The following PARN variants were observed in gnomAD, a reference collection of about 807,000 sequenced individuals.
The protein encoded by PARN is poly(A)-specific ribonuclease.
PARN carries 71 observed loss-of-function variants against 102.8 expected under a neutral mutation model. The observed-to-expected ratio is 0.69, with a 90% CI of 0.57 to 0.84. PARN has a LOEUF of 0.84. PARN is among the 40% of genes least tolerant of loss of function. The probability of loss-of-function intolerance (pLI) is 0.00; values close to 1 mark genes in which losing one functional copy is unlikely to be tolerated. For synonymous variants in PARN, 261 were observed against 252.9 expected, an observed-to-expected ratio of 1.03 and a Z score of -0.30; for missense variants, 782 against 760.9, an observed-to-expected ratio of 1.03 and a Z score of -0.33.
chr16:14,450,610 C>T (rs1042370537), intron 22 of PARN, among the ~76,000 whole-genome samples: 3 of 152,054 alleles, frequency 2.0e-5, no homozygotes, highest in African/African-American at 7.2e-5. Context: ...GCTCTGTCTA[C>T]AGAAAGGACG....
At chr16:14,557,921 G>A (rs1967799502) in intron 18 of PARN, among the ~76,000 whole-genome samples, 2 of 152,098 alleles carry the variant, frequency 1.3e-5, no homozygotes, top group Middle Eastern at 3.2e-3. Context: ...CAGCATAAAC[G>A]ATACACACTG....
intron 18 of PARN, chr16:14,578,492 T>TA: frequency 6.6e-6 from 1 of 151,000 alleles, no homozygotes; most frequent in Non-Finnish European, 1.5e-5. Context: ...CCATCTCTAC[T>TA]AAAAATACAA....
chr16:14,584,935 C>T, intron 14 of PARN, 144 bp from the exon 15 acceptor site: 1 of 578,588 alleles, frequency 1.7e-6, no homozygotes, highest in Admixed American at 3.7e-5. Flanking sequence ...AATACTTAAA[C>T]ACAGACAAAG....
chr16:14,463,837 T>TGG (rs1567295114), intron 22 of PARN, among the ~76,000 whole-genome samples: 48 of 105,750 alleles, frequency 4.5e-4, no homozygotes, highest in African/African-American at 1.5e-3. Flanking sequence ...ACTTTTTTTT[T>TGG]TGGGGGGGGG....
At chr16:14,547,356 G>A (rs1226296932) in intron 21 of PARN, among the ~76,000 whole-genome samples, 8 of 152,036 alleles carry the variant, frequency 5.3e-5, no homozygotes, top group Non-Finnish European at 7.4e-5. Context: ...CTCAGTAGAC[G>A]GGTTTTAGTA....
intron 21 of PARN, among the ~76,000 whole-genome samples, chr16:14,484,318 T>C (rs1963541772): frequency 6.6e-6 from 1 of 152,164 alleles, no homozygotes; most frequent in African/African-American, 2.4e-5. Context: ...GGATCAATGG[T>C]GGCCTCTTGG....
At position 14,606,526 on chromosome 16, in the gene PARN, C is replaced by A; in HGVS notation, c.660G>T (p.Lys220Asn). 1 of 1,559,298 alleles carries A rather than the reference C, an allele frequency of 6.4e-7. No individual in the cohort carries two copies. ...TCTCAACATGAATGCCTTTCGGATA[C>A]CTAAAGAAAAGAAAAACATAGTATC... The part of the protein sequence containing the change: ...RKLIYQTLSW[K>N]YPKGIHVETL... Residue 220 changes from lysine (K) to asparagine (N), a missense_variant and splice_region_variant, in exon 10 of 24, where the codon AAG (lysine) becomes AAT (asparagine). By Grantham distance (94) the Lys-to-Asn change is moderately conservative (BLOSUM62 0). Transcript: ENST00000437198.
intron 16 of PARN, among the ~76,000 whole-genome samples, chr16:14,583,514 C>T (rs542199834): frequency 3.9e-5 from 6 of 152,124 alleles, no homozygotes; most frequent in Non-Finnish European, 7.3e-5. Context: ...ACATTCTTTC[C>T]AAAATCAATT....
chr16:14,587,898 T>A (rs150263725), intron 13 of PARN, among the ~76,000 whole-genome samples: 1 of 152,254 alleles, frequency 6.6e-6, no homozygotes, highest in Non-Finnish European at 1.5e-5. Context: ...ACTGCTTACA[T>A]ACAATGTGTT....
chr16:14,507,776 T>A (rs1258104381), intron 21 of PARN, among the ~76,000 whole-genome samples: 1 of 152,086 alleles, frequency 6.6e-6, no homozygotes, highest in Non-Finnish European at 1.5e-5. Context: ...GGTTTGAGAG[T>A]AATAAAAATT....
intron 1 of PARN, 139 bp downstream of exon 1, chr16:14,629,968 G>A (rs1567474651): frequency 1.3e-6 from 1 of 773,848 alleles, no homozygotes. Flanking sequence ...CCCAAGAGGC[G>A]CACCGGCTTA....
intron 18 of PARN, among the ~76,000 whole-genome samples, chr16:14,568,244 G>A (rs1299873967): frequency 2.1e-5 from 3 of 140,102 alleles, no homozygotes; most frequent in African/African-American, 8.0e-5. Flanking sequence ...ACGGAGTCTC[G>A]CCCTGTTGCC....
chr16:14,551,493 C>T (rs1387154318), intron 21 of PARN, among the ~76,000 whole-genome samples: 4 of 152,116 alleles, frequency 2.6e-5, no homozygotes, highest in South Asian at 2.1e-4. Context: ...TGCTTGAACC[C>T]GAGAACCAGA....
intron 21 of PARN, among the ~76,000 whole-genome samples, chr16:14,530,008 A>G (rs1207015998): frequency 6.6e-6 from 1 of 152,108 alleles, no homozygotes; most frequent in African/African-American, 2.4e-5. Flanking sequence ...GCTGGTTTCC[A>G]GGCCTGCCTT....
At chr16:14,537,782 A>G (rs1966674246) in intron 21 of PARN, among the ~76,000 whole-genome samples, 1 of 152,174 alleles carries the variant, frequency 6.6e-6, no homozygotes, top group Admixed American at 6.5e-5. Flanking sequence ...GGAAGGGTAG[A>G]GGGAAGAGGA....
intron 22 of PARN, among the ~76,000 whole-genome samples, chr16:14,460,139 CAT>C (rs1293353158): frequency 6.6e-6 from 1 of 152,116 alleles, no homozygotes; most frequent in Non-Finnish European, 1.5e-5. Context: ...AGAGAAAAGA[CAT>C]ATTAATTATA....
chr16:14,472,273 C>T (rs1441668581), intron 22 of PARN, among the ~76,000 whole-genome samples: 1 of 152,172 alleles, frequency 6.6e-6, no homozygotes, highest in Non-Finnish European at 1.5e-5. Flanking sequence ...TAAAATTCTG[C>T]ATTTTACATT....
intron 21 of PARN, among the ~76,000 whole-genome samples, chr16:14,534,601 A>G (rs1966530489): frequency 2.6e-5 from 4 of 152,276 alleles, no homozygotes; most frequent in Non-Finnish European, 5.9e-5. Context: ...ATTATTACAT[A>G]ATATTAAAAA....
chr16:14,518,995 G>A (rs1965600972), intron 21 of PARN, among the ~76,000 whole-genome samples: 2 of 152,096 alleles, frequency 1.3e-5, no homozygotes, highest in South Asian at 4.1e-4. Flanking sequence ...AGCCATCCTC[G>A]ATTATTAAAT....
Sources: gnomAD v4.1 joint callset for allele counts (sites outside exome capture counted in the v4.1 genomes callset) on GRCh38, gnomAD v4.1.1 for gene constraint, MANE v1.5 for transcripts, NCBI Gene and HGNC (gene_info 2026-07-23, HGNC 2026-07-21) for gene names.